Variants in CREB5 observed in about 807,000 individuals in gnomAD.
CREB5 encodes cAMP responsive element binding protein 5.
A neutral mutation model predicts 57.1 loss-of-function variants in CREB5; 19 were observed. That is an observed-to-expected ratio of 0.33 (90% CI 0.23 to 0.49). CREB5 has a LOEUF of 0.49. Among genes scored for constraint, CREB5 ranks in the 20% least tolerant of loss-of-function variants. The pLI is 0.99. For missense variants in CREB5, 579 were observed against 671.6 expected (o/e 0.86, Z 1.52); for synonymous variants, 238 against 238.3 (o/e 1.00, Z 0.01).
At chr7:28,749,335 G>A (rs900179979) in intron 7 of CREB5, 2 of 152,260 alleles carry the variant, frequency 1.3e-5, no homozygotes, top group African/African-American at 4.8e-5. Flanking sequence ...CAGCAGTGGG[G>A]AAAGGGCACA....
chr7:28,327,534 T>C (rs970340300), intron 1 of CREB5, among the ~76,000 whole-genome samples: 20 of 152,266 alleles, frequency 1.3e-4, no homozygotes, highest in Admixed American at 9.2e-4. Flanking sequence ...TCTTCTGCTG[T>C]AGTATGTGTT....
At chr7:28,597,375 T>C (rs563517312) in intron 5 of CREB5, among the ~76,000 whole-genome samples, 6 of 152,326 alleles carry the variant, frequency 3.9e-5, no homozygotes, top group African/African-American at 1.4e-4. Context: ...GTCTCACTTA[T>C]TCTGCCACAG....
Position 28,570,355 on chromosome 7 carries a change from C to T in CREB5, c.292-10C>T, listed in dbSNP as rs752220683. The stretch of plus-strand genomic sequence containing the variant: ...CCTCCTGACCTTTCCCCTGTGTCTT[C>T]TCTGGGCAGAATATCTCGATGCATA... On this transcript the variant is annotated splice_polypyrimidine_tract_variant and intron_variant, in intron 4 of 10. Transcript: ENST00000357727. 2 of 1,608,628 alleles carry T rather than the reference C, an allele frequency of 1.2e-6. No homozygotes were observed. The highest frequency in any genetic ancestry group is 1.1e-5 in the South Asian group (1 of 90,458).
chr7:28,678,280 T>A (rs1800414535), intron 5 of CREB5, among the ~76,000 whole-genome samples: 1 of 151,800 alleles, frequency 6.6e-6, no homozygotes, highest in Non-Finnish European at 1.5e-5. Flanking sequence ...CCCAGGCACT[T>A]GGGAGGCTGA....
In CREB5 at chr7:28,403,632, C is replaced by A. The variant is rs1787519575; in HGVS notation, c.-24-91274C>A. On this transcript the variant is annotated intron_variant, in intron 1 of 9. Coordinates refer to the CREB5 transcript ENST00000396299. ...AGTGACAAGGCTACGGCTGTCAAAT[C>A]TCTTGCTGTCTGCTGCCTTTCCTCT... Among the ~76,000 whole-genome samples, 4 of 152,160 alleles carry A rather than the reference C, an allele frequency of 2.6e-5. No homozygotes were observed. In the South Asian group the frequency reaches 8.3e-4, roughly 32 times the overall value.
intron 6 of CREB5, among the ~76,000 whole-genome samples, chr7:28,722,604 A>G (rs2128748431): frequency 6.6e-6 from 1 of 152,336 alleles, no homozygotes; most frequent in South Asian, 2.1e-4. Flanking sequence ...AATGAAAATA[A>G]TTTTAAAAAT....
At chr7:28,389,265 C>A (rs542553868) in intron 1 of CREB5, among the ~76,000 whole-genome samples, 1 of 152,234 alleles carries the variant, frequency 6.6e-6, no homozygotes, top group East Asian at 1.9e-4. Flanking sequence ...TTGCAACTAG[C>A]AAATCTGAGA....
intron 8 of CREB5, among the ~76,000 whole-genome samples, chr7:28,805,630 C>A (rs1808676921): frequency 6.6e-6 from 1 of 152,196 alleles, no homozygotes; most frequent in Non-Finnish European, 1.5e-5. Context: ...ACAAGCAACT[C>A]TCGAAGCTAT....
intron 1 of CREB5, among the ~76,000 whole-genome samples, chr7:28,332,579 C>T (rs368388164): frequency 2.0e-5 from 3 of 152,246 alleles, no homozygotes; most frequent in Non-Finnish European, 4.4e-5. Flanking sequence ...TACACCTTCC[C>T]GTCTCCTCAC....
chr7:28,535,863 A>G (rs1028235439), intron 4 of CREB5, among the ~76,000 whole-genome samples: 3 of 152,136 alleles, frequency 2.0e-5, no homozygotes, highest in South Asian at 2.1e-4. Context: ...CTTCTGTCCC[A>G]CCAAAAGCCT....
chr7:28,421,187 T>C (rs571008644), intron 1 of CREB5, among the ~76,000 whole-genome samples: 1 of 152,290 alleles, frequency 6.6e-6, no homozygotes, highest in African/African-American at 2.4e-5. Flanking sequence ...TACCACTCTG[T>C]CTGCCTTTAC....
intron 5 of CREB5, among the ~76,000 whole-genome samples, chr7:28,644,780 T>C (rs934915397): frequency 6.6e-6 from 1 of 152,090 alleles, no homozygotes; most frequent in African/African-American, 2.4e-5. Context: ...ACCTGCAGCA[T>C]TAAGGTTTTT....
At chr7:28,649,064 G>T (rs1351399407) in intron 5 of CREB5, among the ~76,000 whole-genome samples, 3 of 152,164 alleles carry the variant, frequency 2.0e-5, no homozygotes, top group Non-Finnish European at 4.4e-5. Context: ...AGCCCACAGT[G>T]GTTTCCCTGG....
chr7:28,627,130 AT>A lies in CREB5; in HGVS notation c.464+56594del, dbSNP rs1026553353. On this transcript the variant is annotated intron_variant, in intron 5 of 10. Coordinates refer to ENST00000357727, the MANE Select transcript of CREB5 (RefSeq NM_182898.4). ...GGGTGTCTGGTTTTCCATAATTAAGATGGTGGTTCATATAATCTTTTTTTTC... is the reference window on the plus strand; with the variant it reads ...GGGTGTCTGGTTTTCCATAATTAAGAGGTGGTTCATATAATCTTTTTTTTC... 1.7e-4 allele frequency among the ~76,000 whole-genome samples: 26 copies of A among 152,146 alleles called. 1 individual carries two copies.
At chr7:28,558,231 CT>C (rs1794951386) in intron 4 of CREB5, among the ~76,000 whole-genome samples, 2 of 152,190 alleles carry the variant, frequency 1.3e-5, no homozygotes, top group Admixed American at 6.5e-5. Flanking sequence ...AAAAGAAATA[CT>C]GTTAATGACG....
intron 1 of CREB5, among the ~76,000 whole-genome samples, chr7:28,360,985 G>C (rs1335189625): frequency 6.6e-6 from 1 of 152,116 alleles, no homozygotes; most frequent in Non-Finnish European, 1.5e-5. Flanking sequence ...GCATCTAGTA[G>C]ATAGGGGCCA....
intron 7 of CREB5, among the ~76,000 whole-genome samples, chr7:28,793,674 G>A (rs1039858567): frequency 6.6e-6 from 1 of 152,224 alleles, no homozygotes; most frequent in African/African-American, 2.4e-5. Context: ...GGGCTTGGGG[G>A]AGGATCTGCT....
At chr7:28,385,695 A>C (rs1273044733) in intron 1 of CREB5, among the ~76,000 whole-genome samples, 1 of 151,924 alleles carries the variant, frequency 6.6e-6, no homozygotes, top group African/African-American at 2.4e-5. Flanking sequence ...AAAAGTATGT[A>C]TATGAGAATG....
intron 4 of CREB5, among the ~76,000 whole-genome samples, chr7:28,560,845 C>CGTGCGCGCGTGTGCGTGCGTGCGCGT (rs1396686194): frequency 2.4e-5 from 1 of 41,320 alleles, no homozygotes; most frequent in Non-Finnish European, 5.6e-5. Context: ...TGTGTGTGTG[C>CGTGCGCGCGTGTGCGTGCGTGCGCGT]GCGTGTGTGT....
Sources: gnomAD v4.1 joint callset for allele counts (sites outside exome capture counted in the v4.1 genomes callset) on GRCh38, gnomAD v4.1.1 for gene constraint, MANE v1.5 for transcripts, NCBI Gene and HGNC (gene_info 2026-07-23, HGNC 2026-07-21) for gene names.